The following IL1RAPL2 variants were observed in gnomAD, a reference collection of about 807,000 sequenced individuals.
IL1RAPL2 encodes X-linked interleukin-1 receptor accessory protein-like 2.
Under a neutral mutation model 44.1 loss-of-function variants are expected in IL1RAPL2, and 3 were observed. The observed-to-expected ratio is 0.07, with a 90% CI of 0.03 to 0.18. The LOEUF (loss-of-function observed/expected upper bound fraction) is 0.18, where lower values mean the gene tolerates loss of function less well. Ranked by LOEUF, IL1RAPL2 falls within the 10% of genes least tolerant of loss-of-function variation. The pLI is 1.00. For missense variants in IL1RAPL2, 391 were observed against 496.4 expected, an observed-to-expected ratio of 0.79 and a Z score of 2.02; for synonymous variants, 181 against 178.8, an observed-to-expected ratio of 1.01 and a Z score of -0.10.
At chrX:105,461,845 G>A (rs1432584361) in intron 5 of IL1RAPL2, among the ~76,000 whole-genome samples, 2 of 111,545 alleles carry the variant, frequency 1.8e-5, no homozygotes, top group African/African-American at 6.5e-5. Context: ...GTAGGTATAT[G>A]TGTGTTGTGT....
chrX:105,502,278 C>A (rs976258220), intron 6 of IL1RAPL2, among the ~76,000 whole-genome samples: 1 of 111,773 alleles, frequency 8.9e-6, no homozygotes, highest in African/African-American at 3.2e-5. Flanking sequence ...CTAGCAGGAT[C>A]CCCCAGCCTC....
At chrX:104,691,428 T>C (rs976313671) in intron 2 of IL1RAPL2, among the ~76,000 whole-genome samples, 3 of 112,287 alleles carry the variant, frequency 2.7e-5, no homozygotes, top group African/African-American at 9.7e-5. Flanking sequence ...ATGGCTGTTT[T>C]GGTTAAACTC....
At position 105,075,266 on chromosome X, in the gene IL1RAPL2, TG is replaced by T. The variant is rs1428327729; in HGVS notation, c.83-120208del. Reference sequence around the variant, plus strand: ...TTTAGCATGAAGGGTTGTTGAATTTTGTCAAAGGCCTTTTCTGCATCTATTG... The same window carrying T: ...TTTAGCATGAAGGGTTGTTGAATTTTTCAAAGGCCTTTTCTGCATCTATTG... On this transcript the variant is annotated intron_variant, in intron 2 of 10. Coordinates refer to ENST00000372582, the MANE Select transcript of IL1RAPL2 (RefSeq NM_017416.2). Among the ~76,000 whole-genome samples, 3 of 112,168 alleles carry T rather than the reference TG, an allele frequency of 2.7e-5. No individual in the cohort carries two copies. In the Admixed American group the frequency reaches 2.8e-4, roughly 11 times the overall value.
At chrX:105,109,763 A>G (rs2032782340) in intron 2 of IL1RAPL2, among the ~76,000 whole-genome samples, 1 of 112,576 alleles carries the variant, frequency 8.9e-6, no homozygotes, top group Non-Finnish European at 1.9e-5. Context: ...TGTGAATTAT[A>G]TCTCAATAAA....
chrX:104,585,372 A>ATATAT (rs1569487989), intron 1 of IL1RAPL2, among the ~76,000 whole-genome samples: 112 of 24,722 alleles, frequency 4.5e-3, no homozygotes, highest in African/African-American at 7.2e-3. Flanking sequence ...TATATATATT[A>ATATAT]TATATAATAT....
intron 2 of IL1RAPL2, among the ~76,000 whole-genome samples, chrX:104,781,668 G>A (rs946203634): frequency 1.8e-5 from 2 of 111,685 alleles, no homozygotes; most frequent in African/African-American, 6.5e-5. Context: ...TGGAGGTCAA[G>A]TATTTTCATT....
chrX:104,788,043 C>T (rs1211005449), intron 2 of IL1RAPL2, among the ~76,000 whole-genome samples: 1 of 111,205 alleles, frequency 9.0e-6, no homozygotes, highest in Non-Finnish European at 1.9e-5. Flanking sequence ...ATGGCTGTGA[C>T]AAGGAGGGAG....
At chrX:104,899,939 T>C (rs533532002) in intron 2 of IL1RAPL2, among the ~76,000 whole-genome samples, 117 of 112,526 alleles carry the variant, frequency 1.0e-3, no homozygotes, top group South Asian at 5.5e-3. Context: ...TCTCTAGAGA[T>C]GAGAAGTGTG....
intron 5 of IL1RAPL2, among the ~76,000 whole-genome samples, chrX:105,452,988 G>A (rs934554374): frequency 1.8e-5 from 2 of 112,353 alleles, no homozygotes; most frequent in Non-Finnish European, 3.8e-5. Context: ...GATTAGTGGT[G>A]CACATTCACT....
chrX:105,555,360 G>A (rs1602465778), intron 6 of IL1RAPL2, among the ~76,000 whole-genome samples: 2 of 111,146 alleles, frequency 1.8e-5, no homozygotes, highest in Admixed American at 1.9e-4. Context: ...TAACTATCAG[G>A]GTTGCCTTGC....
rs773851086 is a variant in IL1RAPL2, at chrX:105,763,360, G to C, written c.1364-3604G>C. Among the ~76,000 whole-genome samples, 45 of 111,633 alleles carry C rather than the reference G, an allele frequency of 4.0e-4. No homozygotes were observed. In the East Asian group the frequency reaches 4.5e-3, roughly 11 times the overall value. ...GAAGGGGAAACTGGGGCACTTGCTT[G>C]ATAGAAGCCAGCAACAATTCCCTGG... On this transcript the variant is annotated intron_variant, in intron 10 of 10. Coordinates refer to ENST00000372582, the MANE Select transcript of IL1RAPL2 (RefSeq NM_017416.2).
intron 2 of IL1RAPL2, among the ~76,000 whole-genome samples, chrX:104,920,104 C>T (rs909205150): frequency 5.4e-5 from 6 of 110,199 alleles, no homozygotes; most frequent in African/African-American, 1.3e-4. Context: ...ATCATTTCTT[C>T]TCCTCCTCTT....
intron 10 of IL1RAPL2, among the ~76,000 whole-genome samples, chrX:105,764,500 T>C (rs1484649383): frequency 8.9e-6 from 1 of 112,075 alleles, no homozygotes; most frequent in East Asian, 2.8e-4. Context: ...TTTCTTTAAG[T>C]TGATAGACTC....
At chrX:105,093,586 A>G (rs1237759820) in intron 2 of IL1RAPL2, among the ~76,000 whole-genome samples, 4 of 112,036 alleles carry the variant, frequency 3.6e-5, no homozygotes, top group Non-Finnish European at 3.8e-5. Flanking sequence ...ACAGAATTCA[A>G]GGGGCCACAT....
At chrX:104,754,909 T>C (rs1242830154) in intron 2 of IL1RAPL2, among the ~76,000 whole-genome samples, 1 of 111,508 alleles carries the variant, frequency 9.0e-6, no homozygotes, top group African/African-American at 3.2e-5. Flanking sequence ...CTTGTTTCCC[T>C]TGAGCACCTG....
intron 6 of IL1RAPL2, among the ~76,000 whole-genome samples, chrX:105,665,753 T>TTG (rs1556377998): frequency 4.9e-4 from 34 of 69,301 alleles, no homozygotes; most frequent in South Asian, 1.5e-3. Flanking sequence ...TTTTTTTTTT[T>TTG]TTGTTGTTGT....
chrX:105,415,957 C>G lies in IL1RAPL2; in HGVS notation c.698-68356C>G, dbSNP rs1179169840. Among the ~76,000 whole-genome samples, 3 of 111,629 alleles carry G rather than the reference C, an allele frequency of 2.7e-5. No homozygotes were observed. The East Asian group carries it at 8.5e-4, about 31-fold the overall frequency. ...TTGGGGAAAGTTATCAAAACCAATC[C>G]TCTACCTTTAATAAAAATGCCTTAA... On this transcript the variant is annotated intron_variant, in intron 5 of 10. Coordinates refer to ENST00000372582, the MANE Select transcript of IL1RAPL2 (RefSeq NM_017416.2).
intron 2 of IL1RAPL2, among the ~76,000 whole-genome samples, chrX:105,064,883 G>GA (rs763005934): frequency 8.1e-5 from 9 of 110,525 alleles, no homozygotes; most frequent in Non-Finnish European, 3.8e-5. Flanking sequence ...AACTTTTATT[G>GA]AAAAAAAATC....
At chrX:105,678,490 C>A (rs2037893646) in intron 6 of IL1RAPL2, among the ~76,000 whole-genome samples, 1 of 110,453 alleles carries the variant, frequency 9.1e-6, no homozygotes, top group African/African-American at 3.3e-5. Context: ...CCCCATCCCC[C>A]CCAACCCTCA....
Sources: gnomAD v4.1 joint callset for allele counts (sites outside exome capture counted in the v4.1 genomes callset) on GRCh38, gnomAD v4.1.1 for gene constraint, MANE v1.5 for transcripts, NCBI Gene and HGNC (gene_info 2026-07-23, HGNC 2026-07-21) for gene names.